GPC6: variants seen among roughly 807,000 people sequenced by gnomAD.
GPC6 encodes glypican-6.
GPC6 carries 14 observed loss-of-function variants against 55.2 expected under a neutral mutation model. The ratio of observed to expected loss-of-function variants is 0.25; its 90% CI spans 0.17 to 0.40. GPC6 has a LOEUF of 0.40. Ranked by LOEUF, GPC6 falls within the 10% of genes least tolerant of loss-of-function variation. The probability of loss-of-function intolerance (pLI) is 1.00; values close to 1 mark genes in which losing one functional copy is unlikely to be tolerated. For missense variants in GPC6, 641 were observed against 708.5 expected, an observed-to-expected ratio of 0.90 and a Z score of 1.08; for synonymous variants, 278 against 259.6, an observed-to-expected ratio of 1.07 and a Z score of -0.68.
intron 3 of GPC6, among the ~76,000 whole-genome samples, chr13:93,892,640 A>G (rs1249362209): frequency 6.6e-6 from 1 of 152,198 alleles, no homozygotes; most frequent in African/African-American, 2.4e-5. Context: ...TATATACATA[A>G]CCATTATGTA....
intron 2 of GPC6, among the ~76,000 whole-genome samples, chr13:93,741,581 T>G (rs1222573951): frequency 6.6e-6 from 1 of 152,188 alleles, no homozygotes; most frequent in Non-Finnish European, 1.5e-5. Context: ...TCCTTAGACG[T>G]AATATAGACA....
intron 4 of GPC6, among the ~76,000 whole-genome samples, chr13:94,139,004 G>A (rs763862147): frequency 6.6e-6 from 1 of 152,092 alleles, no homozygotes; most frequent in Non-Finnish European, 1.5e-5. Context: ...GTCCCATTTA[G>A]GGAAGAGATC....
At chr13:93,893,338 GA>G (rs1180476018) in intron 3 of GPC6, among the ~76,000 whole-genome samples, 2 of 152,064 alleles carry the variant, frequency 1.3e-5, no homozygotes, top group Non-Finnish European at 2.9e-5. Flanking sequence ...TTATAGGCAT[GA>G]TCCACCGCTC....
chr13:93,329,722 C>A (rs149612819), intron 1 of GPC6, among the ~76,000 whole-genome samples: 1 of 152,136 alleles, frequency 6.6e-6, no homozygotes, highest in African/African-American at 2.4e-5. Context: ...CCCTGAAACA[C>A]CGCAAGCGTA....
At chr13:93,298,962 G>C (rs1223511149) in intron 1 of GPC6, among the ~76,000 whole-genome samples, 3 of 149,332 alleles carry the variant, frequency 2.0e-5, no homozygotes, top group Non-Finnish European at 4.4e-5. Context: ...TTGCACTTCT[G>C]TTACTTGCAT....
Position 94,027,929 on chromosome 13 carries a change from C to T in GPC6, c.877+35C>T, listed in dbSNP as rs752021115. 1.5e-5 allele frequency: 24 copies of T among 1,588,462 alleles called. No individual in the cohort carries two copies. The East Asian group carries it at 1.6e-4, about 10-fold the overall frequency. ...GTTTAAATGGATCCGAGAACAGAGACGGGACAACAGCAAGTGTTTATGGGG... is the reference window on the plus strand; with the variant it reads ...GTTTAAATGGATCCGAGAACAGAGATGGGACAACAGCAAGTGTTTATGGGG... On this transcript the variant is annotated intron_variant, in intron 4 of 8. Coordinates refer to ENST00000377047, the MANE Select transcript of GPC6 (RefSeq NM_005708.5).
At chr13:93,482,627 A>T (rs994841305) in intron 1 of GPC6, among the ~76,000 whole-genome samples, 1 of 152,172 alleles carries the variant, frequency 6.6e-6, no homozygotes, top group South Asian at 2.1e-4. Flanking sequence ...ATGGGTAAGA[A>T]ATCTCTTGCT....
chr13:93,727,890 T>C (rs1380412755), intron 2 of GPC6, among the ~76,000 whole-genome samples: 1 of 152,096 alleles, frequency 6.6e-6, no homozygotes, highest in African/African-American at 2.4e-5. Context: ...CCTAACCAGG[T>C]ATCCTCCTTC....
intron 1 of GPC6, among the ~76,000 whole-genome samples, chr13:93,266,011 T>C (rs534891974): frequency 7.7e-4 from 118 of 152,282 alleles, no homozygotes; most frequent in Non-Finnish European, 1.5e-3. Context: ...AGGGCGTTAC[T>C]TCCTGGAAAG....
chr13:94,344,233 A>G (rs1345290888), intron 6 of GPC6, among the ~76,000 whole-genome samples: 1 of 152,252 alleles, frequency 6.6e-6, no homozygotes, highest in Admixed American at 6.5e-5. Context: ...TATTTATCAC[A>G]TAAGCAAATG....
At chr13:93,694,519 T>C (rs144641010) in intron 2 of GPC6, among the ~76,000 whole-genome samples, 1 of 152,332 alleles carries the variant, frequency 6.6e-6, no homozygotes, top group East Asian at 1.9e-4. Flanking sequence ...ACCTGGACTC[T>C]ACACCAACTG....
chr13:94,344,232 C>T (rs1257340997), intron 6 of GPC6, among the ~76,000 whole-genome samples: 1 of 152,192 alleles, frequency 6.6e-6, no homozygotes, highest in Non-Finnish European at 1.5e-5. Context: ...TTATTTATCA[C>T]ATAAGCAAAT....
intron 4 of GPC6, among the ~76,000 whole-genome samples, chr13:94,114,652 C>T (rs1248241121): frequency 6.6e-6 from 1 of 152,074 alleles, no homozygotes; most frequent in Middle Eastern, 3.2e-3. Flanking sequence ...CTATGACATA[C>T]AATGACTAAC....
intron 2 of GPC6, among the ~76,000 whole-genome samples, chr13:93,550,833 A>T (rs779422543): frequency 2.0e-5 from 3 of 152,184 alleles, no homozygotes; most frequent in Non-Finnish European, 2.9e-5. Flanking sequence ...ATTCATTTAG[A>T]GCCTACCATA....
Position 94,113,012 on chromosome 13 carries a change from T to C in GPC6, c.877+85118T>C, listed in dbSNP as rs1485964354. The stretch of plus-strand genomic sequence containing the variant: ...ATTTGATTAGATACTTAATTCTCTT[T>C]GGCAACTCTTAGAGCCTGTCATAAA... On this transcript the variant is annotated intron_variant, in intron 4 of 8. Coordinates refer to ENST00000377047, the MANE Select transcript of GPC6 (RefSeq NM_005708.5). Among the ~76,000 whole-genome samples the C allele has an allele frequency of 4.6e-5, 7 of 152,284 alleles. No homozygotes were observed. In the East Asian group the frequency reaches 1.4e-3, roughly 29 times the overall value.
At chr13:93,318,290 G>A (rs1267564927) in intron 1 of GPC6, among the ~76,000 whole-genome samples, 1 of 151,754 alleles carries the variant, frequency 6.6e-6, no homozygotes, top group Non-Finnish European at 1.5e-5. Context: ...GTTGGCTTTT[G>A]TTGTTTGATA....
intron 2 of GPC6, among the ~76,000 whole-genome samples, chr13:93,667,574 A>G (rs1881191642): frequency 6.6e-6 from 1 of 152,000 alleles, no homozygotes; most frequent in Non-Finnish European, 1.5e-5. Flanking sequence ...CTGGGATTAC[A>G]GGTGCCCGCC....
At chr13:93,682,357 G>A (rs993374810) in intron 2 of GPC6, among the ~76,000 whole-genome samples, 13 of 152,218 alleles carry the variant, frequency 8.5e-5, no homozygotes, top group Non-Finnish European at 1.6e-4. Flanking sequence ...TTTCAAACTG[G>A]GATGCCCCCA....
intron 1 of GPC6, among the ~76,000 whole-genome samples, chr13:93,402,958 A>G (rs1367817061): frequency 2.0e-5 from 3 of 152,148 alleles, no homozygotes; most frequent in Non-Finnish European, 2.9e-5. Context: ...ATTTTTTTAA[A>G]AAAATTATGT....
Sources: allele counts gnomAD v4.1 joint callset (sites outside exome capture counted in the v4.1 genomes callset), GRCh38; gene constraint gnomAD v4.1.1; transcripts MANE v1.5; gene names NCBI Gene and HGNC (gene_info 2026-07-23, HGNC 2026-07-21).